The following BEND7 variants were observed in gnomAD, a reference collection of about 807,000 sequenced individuals.
BEND7 encodes BEN domain-containing protein 7.
A neutral mutation model predicts 50.9 loss-of-function variants in BEND7; 28 were observed. The ratio of observed to expected loss-of-function variants is 0.55; its 90% confidence interval spans 0.41 to 0.75. The LOEUF is 0.75. Ranked by LOEUF, BEND7 falls within the 30% of genes least tolerant of loss-of-function variation. BEND7 has a pLI of 0.00. For missense variants in BEND7, 477 were observed against 491.3 expected, an observed-to-expected ratio of 0.97 and a Z score of 0.28; for synonymous variants, 170 against 183.9, an observed-to-expected ratio of 0.92 and a Z score of 0.61.
chr10:13,510,745 T>C (rs553834928), intron 2 of BEND7, among the ~76,000 whole-genome samples: 19 of 152,184 alleles, frequency 1.2e-4, no homozygotes, highest in African/African-American at 4.1e-4. Context: ...AAAGATTAGG[T>C]TAAGTGAAAA....
intron 8 of BEND7, chr10:13,446,323 T>C (rs1470277981): frequency 1.3e-5 from 2 of 152,222 alleles, no homozygotes. Context: ...TTCCTTGCCA[T>C]TTTGGGATAT....
chr10:13,460,780 T>C (rs1458972169), intron 6 of BEND7, among the ~76,000 whole-genome samples: 2 of 152,258 alleles, frequency 1.3e-5, no homozygotes, highest in Non-Finnish European at 2.9e-5. Flanking sequence ...TGATGTTCTC[T>C]GACACTGTAC....
At chr10:13,514,109 G>T (rs1467103461) in intron 2 of BEND7, among the ~76,000 whole-genome samples, 1 of 151,516 alleles carries the variant, frequency 6.6e-6, no homozygotes, top group African/African-American at 2.4e-5. Context: ...CTCAAGGGCC[G>T]TATTCCTTAA....
At chr10:13,522,009 T>C (rs1389719276) in intron 2 of BEND7, among the ~76,000 whole-genome samples, 1 of 152,236 alleles carries the variant, frequency 6.6e-6, no homozygotes, top group Non-Finnish European at 1.5e-5. Flanking sequence ...ATGTCGACCC[T>C]GCTCAGCTGG....
At chr10:13,440,480 C>T (rs1212533504), downstream of BEND7, among the ~76,000 whole-genome samples, 1 of 152,248 alleles carries the variant, frequency 6.6e-6, no homozygotes, top group Non-Finnish European at 1.5e-5. Context: ...CCTACCCGCC[C>T]GCCTCTCCTC....
At chr10:13,514,680 T>C (rs2078534341) in intron 2 of BEND7, among the ~76,000 whole-genome samples, 1 of 152,176 alleles carries the variant, frequency 6.6e-6, no homozygotes, top group East Asian at 1.9e-4. Flanking sequence ...ACTGAACTTG[T>C]AGAGAAACGC....
At chr10:13,528,244 A>G (rs1213209021) in intron 1 of BEND7, among the ~76,000 whole-genome samples, 1 of 151,470 alleles carries the variant, frequency 6.6e-6, no homozygotes, top group Non-Finnish European at 1.5e-5. Flanking sequence ...TAATTTCCTG[A>G]GCTGCCCTCC....
intron 6 of BEND7, among the ~76,000 whole-genome samples, chr10:13,455,878 G>C (rs1838851816): frequency 6.6e-6 from 1 of 152,106 alleles, no homozygotes; most frequent in Non-Finnish European, 1.5e-5. Context: ...GAATTGGAGA[G>C]GAAGCAGACC....
chr10:13,477,514 C>A (rs12572522), intron 6 of BEND7, among the ~76,000 whole-genome samples: 22,894 of 152,078 alleles, frequency 0.15, 2,251 homozygotes, highest in African/African-American at 0.29. Flanking sequence ...ACAACAACAA[C>A]AAAAAAGACC....
chr10:13,524,762 T>C (rs553361683), intron 2 of BEND7, among the ~76,000 whole-genome samples: 1 of 152,256 alleles, frequency 6.6e-6, no homozygotes, highest in East Asian at 1.9e-4. Flanking sequence ...ATTAACCTTT[T>C]GGCTCCTAGC....
At position 13,441,167 on chromosome 10, in the gene BEND7, A is replaced by G; in HGVS notation, c.*576T>C. 1 of 982,078 alleles carries G rather than the reference A, an allele frequency of 1.0e-6. No homozygotes were observed. Among genetic ancestry groups the G allele is most frequent in the Non-Finnish European group, 1.2e-6 (1 of 826,868 alleles). 60.8% of individuals were successfully genotyped at this position (982,078 alleles called of 1,614,324 possible). A position where few individuals can be genotyped will look rare whatever the true frequency, so the allele number is the denominator to read the frequency against. On this transcript the variant is annotated 3_prime_UTR_variant, in exon 9 of 9. Coordinates refer to ENST00000466271, the MANE Select transcript of BEND7 (RefSeq NM_001369863.1). ...GGAATTGATACCACAACACAATGTTATACACCATTTTCACAACCAGGCTTG... is the reference window on the plus strand; with the variant it reads ...GGAATTGATACCACAACACAATGTTGTACACCATTTTCACAACCAGGCTTG...
intron 5 of BEND7, among the ~76,000 whole-genome samples, chr10:13,489,970 T>G (rs903814308): frequency 6.6e-6 from 1 of 152,252 alleles, no homozygotes; most frequent in African/African-American, 2.4e-5. Flanking sequence ...TCCCATATAC[T>G]CTATCTCATT....
chr10:13,438,938 G>A, downstream of BEND7: 1 of 496,004 alleles, frequency 2.0e-6, no homozygotes, highest in Non-Finnish European at 3.6e-6. Flanking sequence ...GTCACTTCTG[G>A]TAACTGGCAG....
At chr10:13,500,319 G>A (rs958724099) in intron 2 of BEND7, among the ~76,000 whole-genome samples, 1 of 152,216 alleles carries the variant, frequency 6.6e-6, no homozygotes, top group African/African-American at 2.4e-5. Context: ...GATGAAAGAG[G>A]TTTCTTGAGA....
At chr10:13,507,498 C>A (rs2077981283) in intron 2 of BEND7, among the ~76,000 whole-genome samples, 1 of 152,116 alleles carries the variant, frequency 6.6e-6, no homozygotes, top group South Asian at 2.1e-4. Flanking sequence ...AATGAAAAAG[C>A]CAATTGAACA....
chr10:13,501,132 T>C (rs927590710), intron 2 of BEND7, among the ~76,000 whole-genome samples: 3 of 152,066 alleles, frequency 2.0e-5, no homozygotes, highest in Admixed American at 1.3e-4. Context: ...CCCAGCACTT[T>C]GGGAGGCCGA....
intron 6 of BEND7, among the ~76,000 whole-genome samples, chr10:13,477,366 G>A (rs1247713718): frequency 6.6e-6 from 1 of 152,202 alleles, no homozygotes; most frequent in Non-Finnish European, 1.5e-5. Context: ...TTTCCAAGGG[G>A]TGGTAGACAG....
At chr10:13,478,455 G>T (rs1364377257) in intron 6 of BEND7, among the ~76,000 whole-genome samples, 2 of 152,218 alleles carry the variant, frequency 1.3e-5, no homozygotes, top group Admixed American at 1.3e-4. Flanking sequence ...AAGACAAAGT[G>T]TGTCCTTAAG....
chr10:13,471,746 G>A (rs1407405142), intron 6 of BEND7, among the ~76,000 whole-genome samples: 2 of 152,246 alleles, frequency 1.3e-5, no homozygotes, highest in Non-Finnish European at 2.9e-5. Flanking sequence ...ACTGATTCCA[G>A]GACAGAGGTG....
Sources: allele counts gnomAD v4.1 joint callset (sites outside exome capture counted in the v4.1 genomes callset), GRCh38; gene constraint gnomAD v4.1.1; transcripts MANE v1.5; gene names NCBI Gene and HGNC (gene_info 2026-07-23, HGNC 2026-07-21).